The following MTUS2 variants were observed in gnomAD, a reference collection of about 807,000 sequenced individuals.
MTUS2 encodes microtubule-associated tumor suppressor candidate 2.
MTUS2 carries 40 observed loss-of-function variants against 114.1 expected under a neutral mutation model. The observed-to-expected ratio is 0.35, with a 90% CI of 0.27 to 0.46. The LOEUF (loss-of-function observed/expected upper bound fraction) is 0.46. MTUS2 is among the 20% of genes least tolerant of loss of function. The pLI, the probability that MTUS2 is intolerant of heterozygous loss-of-function variation, is 1.00. For missense variants in MTUS2, 1,679 were observed against 1,705.4 expected (o/e 0.98, Z 0.27); for synonymous variants, 688 against 672.0 (o/e 1.02, Z -0.37).
At chr13:29,334,366 A>T (rs990928853) in intron 7 of MTUS2, among the ~76,000 whole-genome samples, 1 of 152,078 alleles carries the variant, frequency 6.6e-6, no homozygotes, top group Non-Finnish European at 1.5e-5. Context: ...TCCATGTTTA[A>T]TGCTTCCTTC....
At chr13:29,177,152 T>C (rs1412531229) in intron 5 of MTUS2, among the ~76,000 whole-genome samples, 1 of 150,988 alleles carries the variant, frequency 6.6e-6, no homozygotes, top group Admixed American at 6.6e-5. Context: ...TAGCCTAAGA[T>C]CTTACATTTG....
Position 29,009,340 on chromosome 13 carries a change from A to G in MTUS2, c.-242-15117A>G, listed in dbSNP as rs141294285. 6.1e-3 allele frequency among the ~76,000 whole-genome samples: 836 copies of G among 136,722 alleles called. 8 individuals carry two copies. The highest frequency in any genetic ancestry group is 0.021 in the African/African-American group (775 of 37,308). The allele number at this position is 136,722 out of a possible 152,430, so 89.7% of individuals were successfully genotyped here. ...ACAATATGGATGAACCTTGAATGCAATATGTATTGTACACTATTAACTATA... is the reference window on the plus strand; with the variant it reads ...ACAATATGGATGAACCTTGAATGCAGTATGTATTGTACACTATTAACTATA... On this transcript the variant is annotated intron_variant, in intron 2 of 15. Coordinates refer to ENST00000612955, the MANE Select transcript of MTUS2 (RefSeq NM_001033602.4).
At chr13:29,104,439 CAG>C (rs1890567877) in intron 5 of MTUS2, among the ~76,000 whole-genome samples, 1 of 104,116 alleles carries the variant, frequency 9.6e-6, no homozygotes, top group Non-Finnish European at 2.5e-5. Context: ...ATCTTAGAGT[CAG>C]AGCTGACTTG....
chr13:29,047,330 C>G (rs1887671605), intron 4 of MTUS2, among the ~76,000 whole-genome samples: 1 of 152,114 alleles, frequency 6.6e-6, no homozygotes, highest in Admixed American at 6.5e-5. Flanking sequence ...TTCTGTAGCT[C>G]CAGCCTTCGT....
chr13:29,299,457 T>C (rs1899095983), intron 6 of MTUS2, among the ~76,000 whole-genome samples: 1 of 152,218 alleles, frequency 6.6e-6, no homozygotes, highest in Non-Finnish European at 1.5e-5. Context: ...ACAGTCCTTG[T>C]CCCTGTGGAG....
intron 5 of MTUS2, among the ~76,000 whole-genome samples, chr13:29,132,574 C>G (rs556372504): frequency 6.6e-6 from 1 of 152,306 alleles, no homozygotes; most frequent in Admixed American, 6.5e-5. Context: ...AATGTGACCA[C>G]TCTAGATACC....
chr13:29,252,544 A>G (rs1278003510), intron 5 of MTUS2, among the ~76,000 whole-genome samples: 1 of 152,076 alleles, frequency 6.6e-6, no homozygotes, highest in Non-Finnish European at 1.5e-5. Context: ...AACTCCTTCC[A>G]ACATCTAGAA....
Position 29,024,522 on chromosome 13 carries a change from A to C in MTUS2, c.-177A>C. On this transcript the variant is annotated 5_prime_UTR_variant, in exon 3 of 16. Coordinates refer to ENST00000612955, the MANE Select transcript of MTUS2 (RefSeq NM_001033602.4). ...CAGATAAGTCTTCCTGCTGTATATCAAGACAATGCTTGGTTTTCAAGCTGT... is the reference window on the plus strand; with the variant it reads ...CAGATAAGTCTTCCTGCTGTATATCCAGACAATGCTTGGTTTTCAAGCTGT... 2 of 719,470 alleles carry C rather than the reference A, an allele frequency of 2.8e-6. No individual in the cohort carries two copies. Among genetic ancestry groups the C allele is most frequent in the Non-Finnish European group, 4.5e-6 (2 of 441,072 alleles). The allele number at this position is 719,470 out of a possible 1,614,324, so 44.6% of individuals were successfully genotyped here.
At chr13:29,340,023 T>C (rs1464941189) in intron 7 of MTUS2, among the ~76,000 whole-genome samples, 1 of 152,222 alleles carries the variant, frequency 6.6e-6, no homozygotes, top group African/African-American at 2.4e-5. Context: ...GGGCCAAGTG[T>C]GCTGAGCTTG....
chr13:29,295,198 C>A (rs1053686133), intron 6 of MTUS2, among the ~76,000 whole-genome samples: 7 of 151,678 alleles, frequency 4.6e-5, no homozygotes, highest in Non-Finnish European at 8.8e-5. Context: ...CATTTTGATA[C>A]ATTATACAGT....
At chr13:28,973,323 T>G (rs1883941442) in intron 2 of MTUS2, among the ~76,000 whole-genome samples, 1 of 152,218 alleles carries the variant, frequency 6.6e-6, no homozygotes, top group Non-Finnish European at 1.5e-5. Context: ...TTGAAAACTG[T>G]CATTATTGCA....
At chr13:29,101,004 C>A in intron 5 of MTUS2, 34 bp downstream of exon 5, 1 of 1,505,830 alleles carries the variant, frequency 6.6e-7, no homozygotes, top group Non-Finnish European at 8.9e-7. Flanking sequence ...GGTGCCTTCA[C>A]TGAATTAAAA....
intron 5 of MTUS2, among the ~76,000 whole-genome samples, chr13:29,189,840 C>CA: frequency 6.6e-6 from 1 of 152,240 alleles, no homozygotes; most frequent in African/African-American, 2.4e-5. Flanking sequence ...TGTCCCTCTA[C>CA]CCCCAAATGT....
At chr13:29,207,753 C>G (rs749361382) in intron 5 of MTUS2, among the ~76,000 whole-genome samples, 67 of 152,186 alleles carry the variant, frequency 4.4e-4, no homozygotes, top group Non-Finnish European at 8.7e-4. Context: ...TAAACCATCC[C>G]TGCATCCCTA....
chr13:29,159,908 T>C (rs1031217398), intron 5 of MTUS2, among the ~76,000 whole-genome samples: 12 of 152,356 alleles, frequency 7.9e-5, no homozygotes, highest in Middle Eastern at 3.4e-3. Context: ...TGTGAAATGG[T>C]ACAGCCACTC....
intron 11 of MTUS2, among the ~76,000 whole-genome samples, chr13:29,491,035 T>TTG (rs138765532): frequency 1.3e-3 from 137 of 109,592 alleles, no homozygotes; most frequent in African/African-American, 3.6e-3. Context: ...GGATGCGGGT[T>TTG]TGTGTGTGTG....
chr13:29,407,333 C>T (rs1351283930), intron 8 of MTUS2, among the ~76,000 whole-genome samples: 1 of 151,992 alleles, frequency 6.6e-6, no homozygotes, highest in Non-Finnish European at 1.5e-5. Flanking sequence ...AAGTTGTGCA[C>T]CTGTGCAAAA....
chr13:29,336,594 A>G (rs1057112597), intron 7 of MTUS2, among the ~76,000 whole-genome samples: 2 of 152,200 alleles, frequency 1.3e-5, no homozygotes, highest in South Asian at 2.1e-4. Flanking sequence ...GCTGGGAGGT[A>G]TCTCCCAGTA....
At chr13:29,236,069 T>C (rs1397610136) in intron 5 of MTUS2, among the ~76,000 whole-genome samples, 2 of 152,206 alleles carry the variant, frequency 1.3e-5, no homozygotes, top group East Asian at 3.8e-4. Context: ...GCTAAATGTT[T>C]GTATGGTATA....
Sources: allele counts gnomAD v4.1 joint callset (sites outside exome capture counted in the v4.1 genomes callset), GRCh38; gene constraint gnomAD v4.1.1; transcripts MANE v1.5; gene names NCBI Gene and HGNC (gene_info 2026-07-23, HGNC 2026-07-21).